The following ACTR3C variants were observed in gnomAD, a reference collection of about 807,000 sequenced individuals.
The protein encoded by ACTR3C is actin-related protein 3C.
In ACTR3C, 18 loss-of-function variants were observed where a neutral mutation model predicts 26.3. That is an observed-to-expected ratio of 0.68 (90% CI 0.47 to 1.01). The LOEUF (loss-of-function observed/expected upper bound fraction) is 1.01. ACTR3C is among the 50% of genes least tolerant of loss of function. ACTR3C has a pLI of 0.00. For synonymous variants in ACTR3C, 55 were observed against 94.5 expected (o/e 0.58, Z 2.42); for missense variants, 184 against 250.7 (o/e 0.73, Z 1.80).
At chr7:150,235,791 C>T in the ACTR3C span, among the ~76,000 whole-genome samples, 207 of 152,066 alleles carry the variant, frequency 1.4e-3, 2 homozygotes, top group Middle Eastern at 0.014. Flanking sequence ...ATTTGGGTTT[C>T]TACTAACTTG....
the ACTR3C span, among the ~76,000 whole-genome samples, chr7:149,981,903 A>G: frequency 5.3e-5 from 8 of 152,318 alleles, no homozygotes; most frequent in East Asian, 1.5e-3. Context: ...ACATCGGCCG[A>G]TGAATAGTTT....
chr7:149,931,510 C>T, the ACTR3C span, among the ~76,000 whole-genome samples: 3 of 152,202 alleles, frequency 2.0e-5, no homozygotes, highest in African/African-American at 7.2e-5. Flanking sequence ...AAGAATGTCA[C>T]AGCTCCAGAA....
At chr7:150,020,759 T>C in the ACTR3C span, among the ~76,000 whole-genome samples, 1 of 152,230 alleles carries the variant, frequency 6.6e-6, no homozygotes, top group Admixed American at 6.5e-5. Context: ...TCTTCTGTAT[T>C]ATCTGCTCTT....
the ACTR3C span, among the ~76,000 whole-genome samples, chr7:149,942,320 C>T: frequency 1.3e-5 from 2 of 152,062 alleles, no homozygotes; most frequent in African/African-American, 4.8e-5. Context: ...TCTTGGGTTC[C>T]ATCTATGGTT....
At chr7:150,124,249 G>T in the ACTR3C span, among the ~76,000 whole-genome samples, 1 of 152,176 alleles carries the variant, frequency 6.6e-6, no homozygotes, top group Non-Finnish European at 1.5e-5. Context: ...TTCAATAGAA[G>T]TTGCAGTTCT....
At chr7:149,901,719 G>A in the ACTR3C span, among the ~76,000 whole-genome samples, 1 of 151,822 alleles carries the variant, frequency 6.6e-6, no homozygotes, top group East Asian at 1.9e-4. Flanking sequence ...TTCAAGACTA[G>A]ACTGGGCAAC....
chr7:150,023,853 G>A, the ACTR3C span, among the ~76,000 whole-genome samples: 112,762 of 121,616 alleles, frequency 0.93, 52,720 homozygotes, highest in East Asian at 0.97. Flanking sequence ...AATAACTGAT[G>A]TATAAAACAC....
the ACTR3C span, among the ~76,000 whole-genome samples, chr7:149,998,424 C>T: frequency 6.7e-6 from 1 of 149,514 alleles, no homozygotes; most frequent in African/African-American, 2.5e-5. Flanking sequence ...ATACCCAGTA[C>T]TGGGTAATTT....
At chr7:149,984,977 A>G in the ACTR3C span, among the ~76,000 whole-genome samples, 1 of 152,266 alleles carries the variant, frequency 6.6e-6, no homozygotes, top group Non-Finnish European at 1.5e-5. Flanking sequence ...ATCCTGCCTT[A>G]TGCCTAAAAA....
the ACTR3C span, among the ~76,000 whole-genome samples, chr7:150,164,139 G>T: frequency 2.0e-5 from 3 of 152,114 alleles, no homozygotes; most frequent in Non-Finnish European, 2.9e-5. Context: ...GGTTACCAGG[G>T]CCTTGTGAGC....
rs563685887 is a variant in ACTR3C, at chr7:150,288,302, AAGC to A, written c.297+1145_297+1147del. The stretch of plus-strand genomic sequence containing the variant: ...TGAAGGCCCAGCATGAGGGTCAGGA[AAGC>A]CCCTCCTTGGCAGTGTTGCTCAGCA... On this transcript the variant is annotated intron_variant, in intron 4 of 7. Transcript: ENST00000683684. 4.6e-5 allele frequency among the ~76,000 whole-genome samples: 7 copies of A among 150,576 alleles called. 1 individual carries two copies. The highest frequency in any genetic ancestry group is 1.5e-4 in the African/African-American group (6 of 40,514).
At chr7:149,909,931 AAAAG>A in the ACTR3C span, among the ~76,000 whole-genome samples, 1 of 150,022 alleles carries the variant, frequency 6.7e-6, no homozygotes, top group Non-Finnish European at 1.5e-5. Flanking sequence ...CTAGTAGAAA[AAAAG>A]AAACACATAT....
At chr7:149,938,253 T>G in the ACTR3C span, among the ~76,000 whole-genome samples, 1 of 152,196 alleles carries the variant, frequency 6.6e-6, no homozygotes, top group East Asian at 1.9e-4. Context: ...ATTATTCTAC[T>G]GAGACAGACA....
At chr7:149,943,161 T>A in the ACTR3C span, among the ~76,000 whole-genome samples, 1 of 146,384 alleles carries the variant, frequency 6.8e-6, no homozygotes, top group Admixed American at 6.7e-5. Context: ...CGTTCATCTA[T>A]GTGTTGACTA....
the ACTR3C span, among the ~76,000 whole-genome samples, chr7:149,959,624 G>A: frequency 6.6e-6 from 1 of 152,186 alleles, no homozygotes; most frequent in Non-Finnish European, 1.5e-5. Context: ...TTACACAGGG[G>A]GATGCAGAGA....
intron 6 of ACTR3C, among the ~76,000 whole-genome samples, chr7:150,252,975 G>A (rs886502630): frequency 4.6e-5 from 7 of 151,234 alleles, no homozygotes; most frequent in African/African-American, 9.9e-5. Context: ...ATTCTGCAGC[G>A]GTAAGCCCTT....
chr7:150,104,720 G>A, the ACTR3C span, among the ~76,000 whole-genome samples: 1 of 152,000 alleles, frequency 6.6e-6, no homozygotes, highest in South Asian at 2.1e-4. Flanking sequence ...AAACCTCCAC[G>A]TTTTTGTCAA....
the ACTR3C span, among the ~76,000 whole-genome samples, chr7:150,043,499 A>G: frequency 6.6e-6 from 1 of 152,236 alleles, no homozygotes; most frequent in African/African-American, 2.4e-5. Context: ...CAGGGTGGCC[A>G]TCCTTTAGAA....
the ACTR3C span, among the ~76,000 whole-genome samples, chr7:150,077,255 T>A: frequency 6.6e-6 from 1 of 152,190 alleles, no homozygotes; most frequent in Non-Finnish European, 1.5e-5. Context: ...CTGATTGTTA[T>A]AGAGCAACAT....
Sources: allele counts gnomAD v4.1 joint callset (sites outside exome capture counted in the v4.1 genomes callset), GRCh38; gene constraint gnomAD v4.1.1; transcripts MANE v1.5; gene names NCBI Gene and HGNC (gene_info 2026-07-23, HGNC 2026-07-21).